XPO1: variants seen among roughly 807,000 people sequenced by gnomAD.
XPO1 encodes exportin 1, also known as exportin-1.
In XPO1, 5 loss-of-function variants were observed where a neutral mutation model predicts 133.3. The ratio of observed to expected loss-of-function variants is 0.04; its 90% CI spans 0.02 to 0.08. The LOEUF is 0.08. Among genes scored for constraint, XPO1 ranks in the 10% least tolerant of loss-of-function variants. The pLI is 1.00. For synonymous variants in XPO1, 419 were observed against 408.2 expected (o/e 1.03, Z -0.32); for missense variants, 506 against 1,267.5 (o/e 0.40, Z 9.12).
At position 61,536,172 on chromosome 2, in the gene XPO1, G is replaced by C. The variant is rs1238471030; in HGVS notation, c.-7+1390C>G. 2.6e-5 allele frequency: 4 copies of C among 152,314 alleles called. No homozygotes were observed. The South Asian group carries it at 6.2e-4, about 24-fold the overall frequency. The allele number at this position is 152,314 out of a possible 1,614,324, so 9.4% of individuals were successfully genotyped here. The stretch of plus-strand genomic sequence containing the variant: ...TAAATACAGTAGTTTGCCATCCTTA[G>C]AACTAGCGGCTATCTTCGAAATCAC... On this transcript the variant is annotated intron_variant, in intron 1 of 24. Coordinates refer to ENST00000401558, the MANE Select transcript of XPO1 (RefSeq NM_003400.4).
At chr2:61,496,150 T>C (rs72888733) in intron 10 of XPO1, among the ~76,000 whole-genome samples, 26,476 of 152,110 alleles carry the variant, frequency 0.17, 2,843 homozygotes, top group African/African-American at 0.29. Context: ...CTCACTGACA[T>C]TGAAAAATGT....
intron 4 of XPO1, among the ~76,000 whole-genome samples, chr2:61,504,585 A>G (rs1390741983): frequency 1.3e-5 from 2 of 152,202 alleles, no homozygotes; most frequent in African/African-American, 4.8e-5. Context: ...TAAAGGTTGT[A>G]GAGCTGTATG....
At chr2:61,501,322 TAGAC>T (rs1240533600) in intron 6 of XPO1, among the ~76,000 whole-genome samples, 8 of 152,042 alleles carry the variant, frequency 5.3e-5, no homozygotes, top group South Asian at 2.1e-4. Flanking sequence ...TTAGTCTACA[TAGAC>T]AGTTTAAGGA....
rs201554476 is a variant in XPO1 at position 61,522,702 on chromosome 2, A to T, written c.229-19T>A. 6.3e-7 allele frequency: 1 copy of T among 1,578,934 alleles called. No individual in the cohort carries two copies. The highest frequency in any genetic ancestry group is 2.2e-5 in the East Asian group (1 of 44,664). ...CATAGTACTGAAAATTGGAGAATAG[A>T]AGCATGTGAATATATTGCTTATAGG... On this transcript the variant is annotated intron_variant, in intron 3 of 24. Coordinates refer to ENST00000401558, the MANE Select transcript of XPO1 (RefSeq NM_003400.4).
chr2:61,515,915 C>G lies in XPO1; in HGVS notation c.301+6696G>C, dbSNP rs550348230. Reference sequence around the variant, plus strand: ...TGGCTAACACGGTGAAACCCCATCTCTACTAAAAAAAAAAAAAAAAACCAC... The same window carrying G: ...TGGCTAACACGGTGAAACCCCATCTGTACTAAAAAAAAAAAAAAAAACCAC... On this transcript the variant is annotated intron_variant, in intron 4 of 24. Transcript: ENST00000401558. 2.2e-3 allele frequency among the ~76,000 whole-genome samples: 270 copies of G among 120,862 alleles called. 3 individuals are homozygous for G. Among genetic ancestry groups the G allele is most frequent in the African/African-American group, 8.9e-3 (256 of 28,912 alleles). The allele number at this position is 120,862 out of a possible 152,430, so 79.3% of individuals were successfully genotyped here.
chr2:61,487,956 C>T (rs139846967), intron 19 of XPO1, among the ~76,000 whole-genome samples: 1 of 152,298 alleles, frequency 6.6e-6, no homozygotes, highest in East Asian at 1.9e-4. Flanking sequence ...CATATCACCA[C>T]CCTTCGCTAC....
At chr2:61,501,808 C>T (rs1697541186) in intron 6 of XPO1, among the ~76,000 whole-genome samples, 188 bp downstream of exon 6, 1 of 151,274 alleles carries the variant, frequency 6.6e-6, no homozygotes, top group Non-Finnish European at 1.5e-5. Flanking sequence ...ATGGCTTTAA[C>T]GTTATTTGAT....
At chr2:61,522,889 T>C (rs1256583440) in intron 3 of XPO1, among the ~76,000 whole-genome samples, 3 of 152,206 alleles carry the variant, frequency 2.0e-5, no homozygotes, top group Non-Finnish European at 4.4e-5. Context: ...TGTTTGCTAC[T>C]CTATATAACG....
Position 61,495,394 on chromosome 2 carries a change from C to T in XPO1, c.1047+61G>A, listed in dbSNP as rs1013526358. On this transcript the variant is annotated intron_variant, in intron 11 of 24. Coordinates refer to ENST00000401558, the MANE Select transcript of XPO1 (RefSeq NM_003400.4). Reference sequence around the variant, plus strand: ...GGTACATACATTTTAGAAAAAGGCACTTTTAAGAGTTATTAGTAGGCAGAG... The same window carrying T: ...GGTACATACATTTTAGAAAAAGGCATTTTTAAGAGTTATTAGTAGGCAGAG... 31 of 1,397,008 alleles carry T rather than the reference C, an allele frequency of 2.2e-5. 1 individual carries two copies. The highest frequency in any genetic ancestry group is 2.2e-4 in the Middle Eastern group (1 of 4,648). The allele number at this position is 1,397,008 out of a possible 1,614,324, so 86.5% of individuals were successfully genotyped here. A position where few individuals can be genotyped will look rare whatever the true frequency, so the allele number is the denominator to read the frequency against.
chr2:61,489,559 A>AT (rs1316706399), intron 17 of XPO1, among the ~76,000 whole-genome samples: 2,640 of 144,878 alleles, frequency 0.018, 65 homozygotes, highest in African/African-American at 0.056. Context: ...ATATAGTTCT[A>AT]TTTTTTTTTT....
chr2:61,501,721 C>A (rs1294965583), intron 6 of XPO1, among the ~76,000 whole-genome samples: 516 of 111,128 alleles, frequency 4.6e-3, no homozygotes, highest in Middle Eastern at 0.015. Context: ...AGACTGTCTC[C>A]AAAAAAAAAA....
chr2:61,535,729 A>T (rs911958063), intron 1 of XPO1, among the ~76,000 whole-genome samples: 13 of 152,216 alleles, frequency 8.5e-5, no homozygotes, highest in Non-Finnish European at 1.6e-4. Context: ...AACTGATGAG[A>T]CTTCAAAACG....
At chr2:61,533,471 T>G (rs950236405) in intron 2 of XPO1, among the ~76,000 whole-genome samples, 1 of 152,206 alleles carries the variant, frequency 6.6e-6, no homozygotes, top group Non-Finnish European at 1.5e-5. Context: ...AGAATCGTAT[T>G]AGTGCCAAAC....
At chr2:61,517,078 A>G (rs1482678092) in intron 4 of XPO1, among the ~76,000 whole-genome samples, 1 of 151,784 alleles carries the variant, frequency 6.6e-6, no homozygotes, top group East Asian at 2.0e-4. Context: ...TAATTTTGGT[A>G]TTTTTAGTAG....
At chr2:61,499,617 G>C (rs1697407391) in intron 7 of XPO1, 96 bp downstream of exon 7, 1 of 1,198,460 alleles carries the variant, frequency 8.3e-7, no homozygotes, top group African/African-American at 1.6e-5. Flanking sequence ...ACATATTACT[G>C]ATCATAGTTC....
intron 21 of XPO1, chr2:61,483,696 C>T (rs1696526623): frequency 2.4e-6 from 1 of 423,966 alleles, no homozygotes; most frequent in Non-Finnish European, 4.2e-6. Flanking sequence ...CCCAGTAGAA[C>T]TTTGTATTAC....
intron 4 of XPO1, among the ~76,000 whole-genome samples, chr2:61,515,588 G>A (rs1012431084): frequency 6.6e-6 from 1 of 152,160 alleles, no homozygotes; most frequent in African/African-American, 2.4e-5. Flanking sequence ...CTATACATTA[G>A]CTCTAATGCC....
intron 4 of XPO1, among the ~76,000 whole-genome samples, chr2:61,516,980 T>G (rs942311615): frequency 6.6e-6 from 1 of 152,084 alleles, no homozygotes; most frequent in Non-Finnish European, 1.5e-5. Flanking sequence ...CTTGGCTCAC[T>G]GTAAGCTCCA....
In XPO1 at chr2:61,492,822, A is replaced by G. The variant is rs773253214; in HGVS notation, c.1385-74T>C. Reference sequence around the variant, plus strand: ...TTGATGAGTAACAATACATTTAGAAAATATTTAGAAACTACAAGTACATTT... The same window carrying G: ...TTGATGAGTAACAATACATTTAGAAGATATTTAGAAACTACAAGTACATTT... On this transcript the variant is annotated intron_variant, in intron 13 of 24. Coordinates refer to ENST00000401558, the MANE Select transcript of XPO1 (RefSeq NM_003400.4). The surrounding 1 kb of genome is among the most constrained non-coding windows in gnomAD (Gnocchi z 5.6). 2.6e-6 allele frequency: 4 copies of G among 1,562,304 alleles called. No individual in the cohort carries two copies. In the Admixed American group the frequency reaches 7.8e-5, roughly 30 times the overall value.
Sources: allele counts gnomAD v4.1 joint callset (sites outside exome capture counted in the v4.1 genomes callset), GRCh38; gene constraint gnomAD v4.1.1; non-coding constraint Gnocchi (gnomAD v3.1); transcripts MANE v1.5; gene names NCBI Gene and HGNC (gene_info 2026-07-23, HGNC 2026-07-21).